Variants in CFAP54 observed in about 807,000 individuals in gnomAD.
The protein encoded by CFAP54 is cilia- and flagella-associated protein 54.
A neutral mutation model predicts 370.4 loss-of-function variants in CFAP54; 290 were observed. The observed-to-expected ratio is 0.78, with a 90% CI of 0.71 to 0.86. CFAP54 has a LOEUF of 0.86. CFAP54 is among the 40% of genes least tolerant of loss of function. CFAP54 has a pLI of 0.00. For missense variants in CFAP54, 3,399 were observed against 3,528.7 expected, an observed-to-expected ratio of 0.96 and a Z score of 0.93; for synonymous variants, 1,206 against 1,236.5, an observed-to-expected ratio of 0.98 and a Z score of 0.52.
At chr12:96,635,019 ATTCT>A (rs1325595497) in intron 32 of CFAP54, among the ~76,000 whole-genome samples, 1 of 152,150 alleles carries the variant, frequency 6.6e-6, no homozygotes, top group Non-Finnish European at 1.5e-5. Context: ...AAGTAGAGTG[ATTCT>A]TTCCACTTTA....
intron 23 of CFAP54, among the ~76,000 whole-genome samples, chr12:96,590,376 A>G (rs753395141): frequency 6.6e-6 from 1 of 152,228 alleles, no homozygotes; most frequent in African/African-American, 2.4e-5. Context: ...GTTTTGAAGC[A>G]GGCTCAGAAA....
At chr12:96,727,618 G>A (rs1308960450) in intron 50 of CFAP54, among the ~76,000 whole-genome samples, 8 of 151,776 alleles carry the variant, frequency 5.3e-5, no homozygotes, top group Admixed American at 5.2e-4. Context: ...GATGGGTCTT[G>A]ACTTTTTATC....
intron 63 of CFAP54, among the ~76,000 whole-genome samples, chr12:96,811,295 G>C (rs1464630987): frequency 6.6e-6 from 1 of 152,184 alleles, no homozygotes. Flanking sequence ...TGGCTAGAAA[G>C]CTGTGTGTGG....
intron 67 of CFAP54, among the ~76,000 whole-genome samples, chr12:96,869,746 A>G (rs1180643241): frequency 1.3e-5 from 2 of 151,264 alleles, no homozygotes; most frequent in South Asian, 2.1e-4. Context: ...AACCAGCCTG[A>G]CCAACATGGC....
In CFAP54 at chr12:96,540,949, CT is replaced by C; in HGVS notation, c.2042del (p.Leu681Ter). ...VTLRLSEILESLGSPGRKFKQ... is the reference protein window; with the variant it reads ...VTLRLSEILEXLGSPGRKFKQ... ...TTACGGTTAAGTGAAATATTGGAAT[CT>C]TTAGGAAGCCCAGGAAGAAAATTTA... On this transcript the variant is annotated frameshift_variant, in exon 14 of 68. Coordinates refer to ENST00000524981, the MANE Select transcript of CFAP54 (RefSeq NM_001306084.2). LOFTEE classifies it high-confidence loss of function. The C allele has an allele frequency of 6.6e-7, 1 of 1,514,428 alleles. No homozygotes were observed. The highest frequency in any genetic ancestry group is 8.8e-7 in the Non-Finnish European group (1 of 1,139,032). The allele number at this position is 1,514,428 out of a possible 1,614,324, so 93.8% of individuals were successfully genotyped here.
chr12:96,642,976 C>G (rs1346372540), intron 32 of CFAP54, among the ~76,000 whole-genome samples: 2 of 152,176 alleles, frequency 1.3e-5, no homozygotes, highest in Non-Finnish European at 2.9e-5. Flanking sequence ...CTGGAGGAAG[C>G]CTGTCCTGTC....
intron 50 of CFAP54, among the ~76,000 whole-genome samples, chr12:96,735,150 T>C (rs1957964063): frequency 6.6e-6 from 1 of 152,208 alleles, no homozygotes; most frequent in Non-Finnish European, 1.5e-5. Context: ...CAACTTCCCA[T>C]TGAAAGACAT....
chr12:96,693,712 C>A lies in CFAP54; in HGVS notation c.6265-10C>A. ...ATATTTTGAAACAAAGAGTGTTTTT[C>A]TCCTGATAGGTTCTGCCTCTCCTTG... On this transcript the variant is annotated splice_polypyrimidine_tract_variant and intron_variant, in intron 44 of 67. Coordinates refer to ENST00000524981, the MANE Select transcript of CFAP54 (RefSeq NM_001306084.2). The A allele has an allele frequency of 6.6e-7, 1 of 1,522,124 alleles. No homozygotes were observed. Among genetic ancestry groups the A allele is most frequent in the Non-Finnish European group, 9.0e-7 (1 of 1,113,024 alleles). 94.3% of individuals were successfully genotyped at this position (1,522,124 alleles called of 1,614,324 possible). A position where few individuals can be genotyped will look rare whatever the true frequency, so the allele number is the denominator to read the frequency against.
At chr12:96,629,553 T>C (rs1956584005) in intron 30 of CFAP54, among the ~76,000 whole-genome samples, 1 of 151,954 alleles carries the variant, frequency 6.6e-6, no homozygotes, top group African/African-American at 2.4e-5. Flanking sequence ...GACCTCGTGA[T>C]CCACCCGCCT....
chr12:96,701,227 A>AAG (rs939013372), intron 46 of CFAP54, among the ~76,000 whole-genome samples: 1 of 152,120 alleles, frequency 6.6e-6, no homozygotes, highest in Non-Finnish European at 1.5e-5. Flanking sequence ...AGAGAGGGGA[A>AAG]AGAGAGAGAA....
At chr12:96,513,954 T>C (rs1299716688) in intron 5 of CFAP54, among the ~76,000 whole-genome samples, 2 of 152,180 alleles carry the variant, frequency 1.3e-5, no homozygotes, top group East Asian at 3.8e-4. Context: ...AATAAGATTC[T>C]TACTTACCAG....
intron 50 of CFAP54, among the ~76,000 whole-genome samples, chr12:96,727,107 A>T (rs1404682033): frequency 4.6e-5 from 7 of 151,918 alleles, no homozygotes; most frequent in African/African-American, 7.3e-5. Context: ...TATGTGGTCA[A>T]TTTTGGAATA....
At chr12:96,755,641 A>C (rs1958245507) in intron 56 of CFAP54, among the ~76,000 whole-genome samples, 1 of 149,668 alleles carries the variant, frequency 6.7e-6, no homozygotes. Context: ...TTGTGTATAT[A>C]TATCACATTT....
At chr12:96,561,415 C>A (rs968632256) in intron 17 of CFAP54, among the ~76,000 whole-genome samples, 4 of 152,096 alleles carry the variant, frequency 2.6e-5, no homozygotes, top group African/African-American at 9.7e-5. Context: ...CCATTAAACC[C>A]CTTTTTCTAT....
Position 96,630,152 on chromosome 12 carries a change from A to G in CFAP54, c.4163A>G (p.Lys1388Arg). ...KVKYKDSALN[K>R]KANKSLKFKA... Reference sequence around the variant, plus strand: ...AAATATAAGGATAGTGCTTTGAATAAAAAAGCAAACAAATCTTTAAAGTTC... The same window carrying G: ...AAATATAAGGATAGTGCTTTGAATAGAAAAGCAAACAAATCTTTAAAGTTC... The change falls in exon 31 of 68, where the codon AAA becomes AGA. Residue 1388 changes from lysine (K) to arginine (R), a missense_variant. Coordinates refer to ENST00000524981, the MANE Select transcript of CFAP54 (RefSeq NM_001306084.2). 3 of 1,505,318 alleles carry G rather than the reference A, an allele frequency of 2.0e-6. No homozygotes were observed. The highest frequency in any genetic ancestry group is 2.7e-6 in the Non-Finnish European group (3 of 1,122,160). The allele number at this position is 1,505,318 out of a possible 1,614,324, so 93.2% of individuals were successfully genotyped here. A position where few individuals can be genotyped will look rare whatever the true frequency, so the allele number is the denominator to read the frequency against.
chr12:96,799,438 C>T (rs1565982400), intron 63 of CFAP54, among the ~76,000 whole-genome samples: 3 of 152,296 alleles, frequency 2.0e-5, no homozygotes, highest in South Asian at 2.1e-4. Context: ...CCTCTAGCTG[C>T]GCCTCTGGTA....
At chr12:96,723,424 G>T (rs1479756682) in intron 50 of CFAP54, among the ~76,000 whole-genome samples, 1 of 152,098 alleles carries the variant, frequency 6.6e-6, no homozygotes, top group African/African-American at 2.4e-5. Context: ...AAGAGATTAT[G>T]GAACCCTGAA....
At chr12:96,718,756 C>T (rs79342996) in intron 49 of CFAP54, among the ~76,000 whole-genome samples, 13,085 of 152,070 alleles carry the variant, frequency 0.086, 803 homozygotes, top group South Asian at 0.28. Context: ...AAATATGATT[C>T]GGCTGGGCGC....
In CFAP54 at chr12:96,875,391, TC is replaced by T. The variant is rs1264191692; in HGVS notation, c.*290del. 1 of 152,194 alleles carries T rather than the reference TC, an allele frequency of 6.6e-6. No individual in the cohort carries two copies. Among genetic ancestry groups the T allele is most frequent in the Non-Finnish European group, 1.5e-5 (1 of 68,020 alleles). 9.4% of individuals were successfully genotyped at this position (152,194 alleles called of 1,614,324 possible). A position where few individuals can be genotyped will look rare whatever the true frequency, so the allele number is the denominator to read the frequency against. On this transcript the variant is annotated 3_prime_UTR_variant, in exon 68 of 68. Coordinates refer to ENST00000524981, the MANE Select transcript of CFAP54 (RefSeq NM_001306084.2). ...TCAGCTCCCAGTAGGGCAGTTTAAC[TC>T]CTATCTTCTCTGTGAGTTCCAGGTC...
Sources: gnomAD v4.1 joint callset for allele counts (sites outside exome capture counted in the v4.1 genomes callset) on GRCh38, gnomAD v4.1.1 for gene constraint, MANE v1.5 for transcripts, NCBI Gene and HGNC (gene_info 2026-07-23, HGNC 2026-07-21) for gene names.